IGSF21: variants seen among roughly 807,000 people sequenced by gnomAD.
IGSF21 encodes the protein immunoglobulin superfamily member 21.
Under a neutral mutation model 46.8 loss-of-function variants are expected in IGSF21, and 28 were observed. The ratio of observed to expected loss-of-function variants is 0.60; its 90% CI spans 0.44 to 0.82. IGSF21 has a LOEUF of 0.82. Ranked by LOEUF, IGSF21 falls within the 40% of genes least tolerant of loss-of-function variation. The probability of loss-of-function intolerance (pLI) is 0.00; values close to 1 mark genes in which losing one functional copy is unlikely to be tolerated. For synonymous variants in IGSF21, 284 were observed against 273.6 expected (o/e 1.04, Z -0.38); for missense variants, 624 against 665.5 (o/e 0.94, Z 0.69).
chr1:18,121,774 G>GA (rs1399139322), intron 1 of IGSF21, among the ~76,000 whole-genome samples: 3 of 152,076 alleles, frequency 2.0e-5, no homozygotes, highest in Admixed American at 2.0e-4. Flanking sequence ...GCCTTAGGGG[G>GA]AAAAATTTCA....
chr1:18,285,752 C>T (rs76698842), intron 2 of IGSF21, among the ~76,000 whole-genome samples: 1 of 152,218 alleles, frequency 6.6e-6, no homozygotes, highest in Non-Finnish European at 1.5e-5. Context: ...TCCACCCACC[C>T]TGACCAACCT....
In IGSF21 at chr1:18,318,452, G is replaced by T. The variant is rs530521713; in HGVS notation, c.306-16440G>T. 5.2e-5 allele frequency among the ~76,000 whole-genome samples: 7 copies of T among 134,104 alleles called. No homozygotes were observed. In the South Asian group the frequency reaches 1.1e-3, roughly 20 times the overall value. The allele number at this position is 134,104 out of a possible 152,430, so 88.0% of individuals were successfully genotyped here. On this transcript the variant is annotated intron_variant, in intron 3 of 9. Coordinates refer to ENST00000251296, the MANE Select transcript of IGSF21 (RefSeq NM_032880.5). ...GTCTCCACTGATAGGGTGCATGCAC[G>T]TGTGCGTGCGTGCGTGTGTGTGTGT...
intron 2 of IGSF21, among the ~76,000 whole-genome samples, chr1:18,246,546 G>A (rs1227900410): frequency 2.0e-5 from 3 of 152,180 alleles, no homozygotes; most frequent in Admixed American, 1.3e-4. Context: ...CTGCAAAGAT[G>A]GCAGCTGGTG....
chr1:18,165,344 G>A (rs1042107072), intron 1 of IGSF21, among the ~76,000 whole-genome samples: 4 of 152,154 alleles, frequency 2.6e-5, no homozygotes, highest in South Asian at 2.1e-4. Flanking sequence ...ACCTTTTTGC[G>A]GAGTCCTCAC....
At chr1:18,241,314 C>T (rs1215851199) in intron 2 of IGSF21, among the ~76,000 whole-genome samples, 2 of 152,084 alleles carry the variant, frequency 1.3e-5, no homozygotes, top group African/African-American at 4.8e-5. Context: ...ATTGTCTGGC[C>T]CCTGCCTGCC....
intron 1 of IGSF21, among the ~76,000 whole-genome samples, chr1:18,173,346 A>G (rs78866691): frequency 0.037 from 5,570 of 152,316 alleles, 135 homozygotes; most frequent in Non-Finnish European, 0.057. Flanking sequence ...TTTACCAACA[A>G]AAAAGTCCAA....
At chr1:18,255,410 T>C (rs1271541314) in intron 2 of IGSF21, among the ~76,000 whole-genome samples, 1 of 152,120 alleles carries the variant, frequency 6.6e-6, no homozygotes, top group Non-Finnish European at 1.5e-5. Flanking sequence ...AATGCTGTGA[T>C]TGGGACAGAC....
chr1:18,357,648 G>A (rs2086035220), intron 4 of IGSF21, among the ~76,000 whole-genome samples: 1 of 152,066 alleles, frequency 6.6e-6, no homozygotes, highest in Non-Finnish European at 1.5e-5. Flanking sequence ...CAAGAGAAGG[G>A]AAAAAGAAAA....
chr1:18,230,331 GC>G (rs2084611801), intron 2 of IGSF21, among the ~76,000 whole-genome samples: 1 of 152,132 alleles, frequency 6.6e-6, no homozygotes, highest in Non-Finnish European at 1.5e-5. Context: ...TAACCTTGAT[GC>G]CACTGGTAGT....
At chr1:18,330,346 G>T (rs2085700026) in intron 3 of IGSF21, among the ~76,000 whole-genome samples, 1 of 152,248 alleles carries the variant, frequency 6.6e-6, no homozygotes, top group African/African-American at 2.4e-5. Flanking sequence ...GGCCATGTCA[G>T]ATGGTAACAG....
In IGSF21 at chr1:18,108,170, G is replaced by T; in HGVS notation, c.42G>T (p.Leu14=). 3 of 1,448,372 alleles carry T rather than the reference G, an allele frequency of 2.1e-6. No homozygotes were observed. Among genetic ancestry groups the T allele is most frequent in the Non-Finnish European group, 2.7e-6 (3 of 1,103,882 alleles). The allele number at this position is 1,448,372 out of a possible 1,614,324, so 89.7% of individuals were successfully genotyped here. The change falls in exon 1 of 10, where the codon CTG becomes CTT. Residue 14 remains leucine, a synonymous_variant. Coordinates refer to ENST00000251296, the MANE Select transcript of IGSF21 (RefSeq NM_032880.5). ...APSLRRCVCL[L]LAAILDLARG... ...GCCTCCGCCGCTGCGTCTGCCTGCT[G>T]CTCGCCGCGATCCTGGACCTGGCGC...
At chr1:18,314,774 G>A (rs936451107) in intron 3 of IGSF21, among the ~76,000 whole-genome samples, 2 of 152,174 alleles carry the variant, frequency 1.3e-5, no homozygotes, top group African/African-American at 4.8e-5. Flanking sequence ...AAGCTGCCAT[G>A]AGACATATTT....
At chr1:18,272,355 C>T (rs1424200810) in intron 2 of IGSF21, among the ~76,000 whole-genome samples, 1 of 152,168 alleles carries the variant, frequency 6.6e-6, no homozygotes, top group Non-Finnish European at 1.5e-5. Flanking sequence ...CCATATCACC[C>T]TCTCTGCCAC....
chr1:18,238,556 T>C (rs2084694722), intron 2 of IGSF21, among the ~76,000 whole-genome samples: 1 of 152,208 alleles, frequency 6.6e-6, no homozygotes, highest in Non-Finnish European at 1.5e-5. Flanking sequence ...CAGTTTCTGA[T>C]AATGGCAAGG....
intron 1 of IGSF21, among the ~76,000 whole-genome samples, chr1:18,219,650 G>C (rs528542119): frequency 1.3e-5 from 2 of 152,310 alleles, no homozygotes; most frequent in South Asian, 4.1e-4. Flanking sequence ...CCAAGAAGTA[G>C]ATTGGTGTGC....
chr1:18,131,032 C>T (rs902630003), intron 1 of IGSF21, among the ~76,000 whole-genome samples: 1 of 152,216 alleles, frequency 6.6e-6, no homozygotes, highest in Non-Finnish European at 1.5e-5. Flanking sequence ...CAGAGCCAGG[C>T]CCGAGGGAGC....
chr1:18,376,544 A>G (rs2086282083), intron 7 of IGSF21, 149 bp downstream of exon 7: 2 of 738,392 alleles, frequency 2.7e-6, no homozygotes, highest in African/African-American at 1.7e-5. Context: ...TGTAATTGGG[A>G]GAATCAGCTC....
intron 1 of IGSF21, among the ~76,000 whole-genome samples, chr1:18,184,247 A>C (rs1283041815): frequency 6.6e-6 from 1 of 152,132 alleles, no homozygotes; most frequent in East Asian, 1.9e-4. Flanking sequence ...CATGATTTCA[A>C]AGATGATGAG....
At chr1:18,202,547 C>G (rs575275184) in intron 1 of IGSF21, among the ~76,000 whole-genome samples, 12 of 152,078 alleles carry the variant, frequency 7.9e-5, no homozygotes, top group Non-Finnish European at 1.2e-4. Flanking sequence ...CAAGGAGAAG[C>G]AAGCACCTTC....
Sources: gnomAD v4.1 joint callset for allele counts (sites outside exome capture counted in the v4.1 genomes callset) on GRCh38, gnomAD v4.1.1 for gene constraint, MANE v1.5 for transcripts, NCBI Gene and HGNC (gene_info 2026-07-23, HGNC 2026-07-21) for gene names.